DIP2C: variants seen among roughly 807,000 people sequenced by gnomAD.
The protein encoded by DIP2C is DIP2 acetate--CoA ligase C (putative), also known as disco-interacting protein 2 homolog C.
In DIP2C, 33 loss-of-function variants were observed where a neutral mutation model predicts 192.4. That is an observed-to-expected ratio of 0.17 (90% CI 0.13 to 0.23). The LOEUF is 0.23. Among genes scored for constraint, DIP2C ranks in the 10% least tolerant of loss-of-function variants. The pLI is 1.00. For synonymous variants in DIP2C, 979 were observed against 864.1 expected (o/e 1.13, Z -2.33); for missense variants, 1,537 against 2,110.1 (o/e 0.73, Z 5.32).
At chr10:424,355 G>GT (rs557255878) in intron 4 of DIP2C, among the ~76,000 whole-genome samples, 3,583 of 83,092 alleles carry the variant, frequency 0.043, 398 homozygotes, top group Non-Finnish European at 0.055. Flanking sequence ...ATCACCTTGG[G>GT]TTTTTTTTTT....
chr10:558,075 G>A (rs1849005790), intron 1 of DIP2C, among the ~76,000 whole-genome samples: 1 of 152,148 alleles, frequency 6.6e-6, no homozygotes, highest in South Asian at 2.1e-4. Flanking sequence ...TCAGATTAGG[G>A]TAGTGTCCTG....
At chr10:484,831 TCC>T in intron 2 of DIP2C, 1 of 1,610,480 alleles carries the variant, frequency 6.2e-7, no homozygotes, top group Non-Finnish European at 8.5e-7. Flanking sequence ...GGCCACCCGC[TCC>T]CGAGCCGCAG....
At chr10:296,629 G>A (rs994134281) in intron 32 of DIP2C, among the ~76,000 whole-genome samples, 4 of 152,042 alleles carry the variant, frequency 2.6e-5, no homozygotes, top group African/African-American at 7.3e-5. Flanking sequence ...CAAAGACTTG[G>A]AACCAACCCA....
intron 1 of DIP2C, among the ~76,000 whole-genome samples, chr10:493,022 T>TGCCGCGC (rs1244455736): frequency 2.6e-5 from 4 of 152,356 alleles, no homozygotes; most frequent in African/African-American, 9.6e-5. Flanking sequence ...GTGTGCAGTG[T>TGCCGCGC]GCCGCGCGGA....
intron 1 of DIP2C, chr10:663,036 C>A (rs76433356): frequency 0.013 from 8,347 of 663,044 alleles, 398 homozygotes; most frequent in African/African-American, 0.11. Flanking sequence ...TCTAAACACT[C>A]TGGACCCTGC....
chr10:626,800 C>T (rs927890228), intron 1 of DIP2C, among the ~76,000 whole-genome samples: 2 of 152,064 alleles, frequency 1.3e-5, no homozygotes, highest in African/African-American at 4.8e-5. Flanking sequence ...ACGGTCACGC[C>T]GATCGTCAGG....
intron 32 of DIP2C, among the ~76,000 whole-genome samples, chr10:298,452 C>T (rs945052479): frequency 1.4e-4 from 22 of 152,228 alleles, no homozygotes; most frequent in African/African-American, 5.1e-4. Context: ...TTTCCCCGTC[C>T]CTTCCACATG....
In DIP2C at chr10:339,069, A is replaced by G. The variant is rs376415385; in HGVS notation, c.3584+2130T>C. ...ACCAAGACACACTCCCCACCCTGCTACACTCTTAGGAGCACAGCCTGAGGT... is the reference window on the plus strand; with the variant it reads ...ACCAAGACACACTCCCCACCCTGCTGCACTCTTAGGAGCACAGCCTGAGGT... On this transcript the variant is annotated intron_variant, in intron 29 of 36. Transcript: ENST00000280886. Among the ~76,000 whole-genome samples the G allele has an allele frequency of 1.6e-4, 24 of 151,682 alleles. No homozygotes were observed. In the East Asian group the frequency reaches 3.3e-3, roughly 21 times the overall value.
chr10:380,934 T>C (rs557656876), intron 17 of DIP2C, among the ~76,000 whole-genome samples: 1 of 152,354 alleles, frequency 6.6e-6, no homozygotes, highest in South Asian at 2.1e-4. Flanking sequence ...AACCTTTCTG[T>C]GGCACACAAC....
intron 3 of DIP2C, among the ~76,000 whole-genome samples, chr10:458,536 T>G (rs180916096): frequency 3.3e-5 from 5 of 151,408 alleles, no homozygotes; most frequent in African/African-American, 1.2e-4. Context: ...TCTACATTCC[T>G]GCGTCACCGG....
chr10:646,996 A>G (rs189624975), intron 1 of DIP2C, among the ~76,000 whole-genome samples: 10 of 152,402 alleles, frequency 6.6e-5, no homozygotes, highest in African/African-American at 2.4e-4. Context: ...CCATGGTGGC[A>G]AGCTGGGCGA....
intron 5 of DIP2C, among the ~76,000 whole-genome samples, chr10:419,714 A>G (rs897784422): frequency 1.3e-5 from 2 of 152,176 alleles, no homozygotes; most frequent in Non-Finnish European, 2.9e-5. Context: ...TAACACGTAT[A>G]CAGTTCATAG....
At position 475,612 on chromosome 10, in the gene DIP2C, C is replaced by T. The variant is rs181415361; in HGVS notation, c.158-3063G>A. Reference sequence around the variant, plus strand: ...TGCATACCATCCTCGTGAATATCTCCTAAGTGGAAATGTAAAGTTTGCAAC... The same window carrying T: ...TGCATACCATCCTCGTGAATATCTCTTAAGTGGAAATGTAAAGTTTGCAAC... On this transcript the variant is annotated intron_variant, in intron 2 of 36. Transcript: ENST00000280886. Among the ~76,000 whole-genome samples the T allele has an allele frequency of 6.6e-5, 10 of 152,096 alleles. No homozygotes were observed. The South Asian group carries it at 8.3e-4, about 13-fold the overall frequency.
intron 1 of DIP2C, among the ~76,000 whole-genome samples, chr10:526,013 A>T (rs1182501100): frequency 1.3e-5 from 2 of 152,186 alleles, no homozygotes; most frequent in Non-Finnish European, 2.9e-5. Flanking sequence ...TCCTTCTGCA[A>T]CGCCTGGCGT....
chr10:398,762 C>T (rs1964185203), intron 10 of DIP2C, among the ~76,000 whole-genome samples: 1 of 151,418 alleles, frequency 6.6e-6, no homozygotes, highest in African/African-American at 2.4e-5. Flanking sequence ...TGTCAAAACA[C>T]CTGAACAAAA....
intron 1 of DIP2C, among the ~76,000 whole-genome samples, chr10:655,059 C>T (rs1329379677): frequency 6.6e-6 from 1 of 152,144 alleles, no homozygotes; most frequent in African/African-American, 2.4e-5. Flanking sequence ...GCTCAGGGGG[C>T]TTGCCTAAAC....
At chr10:394,496 C>CAT (rs1564656351) in intron 10 of DIP2C, among the ~76,000 whole-genome samples, 2 of 49,870 alleles carry the variant, frequency 4.0e-5, no homozygotes, top group African/African-American at 1.3e-4. Flanking sequence ...GGACATTATG[C>CAT]CACACAGTGG....
chr10:296,960 CA>C (rs1443863718), intron 32 of DIP2C, among the ~76,000 whole-genome samples: 4 of 151,498 alleles, frequency 2.6e-5, no homozygotes, highest in African/African-American at 7.3e-5. Context: ...ATGGGTGCAG[CA>C]TACCAACGTG....
At chr10:607,335 A>AAGG (rs75543219) in intron 1 of DIP2C, among the ~76,000 whole-genome samples, 12,879 of 152,176 alleles carry the variant, frequency 0.085, 1,380 homozygotes, top group African/African-American at 0.25. Context: ...CCACTGGGCT[A>AAGG]AGAAGGCACA....
Sources: allele counts gnomAD v4.1 joint callset (sites outside exome capture counted in the v4.1 genomes callset), GRCh38; gene constraint gnomAD v4.1.1; transcripts MANE v1.5; gene names NCBI Gene and HGNC (gene_info 2026-07-23, HGNC 2026-07-21).